Variants in MYRFL observed in about 807,000 individuals in gnomAD.
MYRFL encodes myelin regulatory factor-like protein.
Under a neutral mutation model 109.4 loss-of-function variants are expected in MYRFL, and 88 were observed. That is an observed-to-expected ratio of 0.80 (90% CI 0.68 to 0.96). The LOEUF (loss-of-function observed/expected upper bound fraction) is 0.96. Among genes scored for constraint, MYRFL ranks in the 40% least tolerant of loss-of-function variants. MYRFL has a pLI of 0.00. For synonymous variants in MYRFL, 324 were observed against 320.9 expected (o/e 1.01, Z -0.10); for missense variants, 957 against 954.9 (o/e 1.00, Z -0.03).
intron 16 of MYRFL, among the ~76,000 whole-genome samples, chr12:69,932,852 CTG>C (rs1172185407): frequency 3.4e-5 from 4 of 116,346 alleles, no homozygotes; most frequent in African/African-American, 5.8e-5. Context: ...TAGCAGCAAA[CTG>C]TGCCTTTCGT....
At chr12:69,874,501 G>C (rs1344127697) in intron 2 of MYRFL, among the ~76,000 whole-genome samples, 1 of 152,094 alleles carries the variant, frequency 6.6e-6, no homozygotes, top group Non-Finnish European at 1.5e-5. Context: ...TAAAAATTAA[G>C]ATAAAAAATA....
chr12:69,853,834 C>T (rs1293470760), intron 1 of MYRFL, among the ~76,000 whole-genome samples: 1 of 151,488 alleles, frequency 6.6e-6, no homozygotes, highest in Admixed American at 6.6e-5. Flanking sequence ...GGGATCGCGG[C>T]CGGGAAGAGG....
At position 69,867,364 on chromosome 12, in the gene MYRFL, G is replaced by A. The variant is rs60490161; in HGVS notation, c.138-11664G>A. Among the ~76,000 whole-genome samples the A allele has an allele frequency of 7.9e-5, 12 of 152,318 alleles. No homozygotes were observed. In the South Asian group the frequency reaches 8.3e-4, roughly 11 times the overall value. On this transcript the variant is annotated intron_variant, in intron 2 of 24. Coordinates refer to ENST00000552032, the MANE Select transcript of MYRFL (RefSeq NM_182530.3). Reference sequence around the variant, plus strand: ...ATGCACGTGTGTGCAGGGAAGGTAAGGGTCTAGAAAAGAGACTAGTAAATC... The same window carrying A: ...ATGCACGTGTGTGCAGGGAAGGTAAAGGTCTAGAAAAGAGACTAGTAAATC...
intron 2 of MYRFL, among the ~76,000 whole-genome samples, chr12:69,867,747 T>C (rs1176032719): frequency 6.6e-6 from 1 of 152,212 alleles, no homozygotes; most frequent in Admixed American, 6.5e-5. Context: ...TAAGCTCTAC[T>C]GTGATGTTTC....
At chr12:69,955,259 T>C (rs1368401657) in intron 21 of MYRFL, 104 bp from the exon 22 acceptor site, 2 of 439,132 alleles carry the variant, frequency 4.6e-6, no homozygotes, top group Non-Finnish European at 8.0e-6. Context: ...TTATTTACTA[T>C]ATAATATTTC....
chr12:69,881,876 C>A (rs1007276934), intron 5 of MYRFL, among the ~76,000 whole-genome samples: 2 of 152,178 alleles, frequency 1.3e-5, no homozygotes, highest in African/African-American at 4.8e-5. Context: ...CCACATCTAG[C>A]CTGTAGCTTT....
chr12:69,859,675 A>G (rs926534943), intron 2 of MYRFL, among the ~76,000 whole-genome samples: 2 of 152,250 alleles, frequency 1.3e-5, no homozygotes, highest in African/African-American at 4.8e-5. Context: ...AAAAATGCTC[A>G]TCATCACTGG....
At chr12:69,891,606 T>TTTCCTC (rs1566002002) in intron 7 of MYRFL, among the ~76,000 whole-genome samples, 78 of 31,032 alleles carry the variant, frequency 2.5e-3, no homozygotes, top group Non-Finnish European at 3.1e-3. Context: ...TCTTTCTTTC[T>TTTCCTC]CTTTCTTTCT....
At chr12:69,915,966 T>G (rs754279995) in intron 13 of MYRFL, among the ~76,000 whole-genome samples, 9 of 152,100 alleles carry the variant, frequency 5.9e-5, no homozygotes, top group Non-Finnish European at 1.2e-4. Flanking sequence ...CAACTGAACC[T>G]GTTTAAAGGT....
chr12:69,901,721 G>A (rs1954188468), intron 10 of MYRFL, among the ~76,000 whole-genome samples: 1 of 152,090 alleles, frequency 6.6e-6, no homozygotes, highest in South Asian at 2.1e-4. Flanking sequence ...AAAAGGATTT[G>A]AGTCAAAGCC....
rs1428708480 is a variant in MYRFL, at chr12:69,926,666, C to T, written c.1698C>T (p.Asn566=). 1.3e-6 allele frequency: 2 copies of T among 1,525,914 alleles called. No individual in the cohort carries two copies. The highest frequency in any genetic ancestry group is 2.0e-5 in the Admixed American group (1 of 50,508). The allele number at this position is 1,525,914 out of a possible 1,614,324, so 94.5% of individuals were successfully genotyped here. ...EERIEELEIW[N]RKLARLKRLS... ...GAATAGAAGAGTTAGAAATATGGAA[C>T]AGAAAGCTGGCCCGGCTAAAGCGGC... The change falls in exon 14 of 25, where the codon AAC becomes AAT. Residue 566 remains asparagine (N), a synonymous_variant. Coordinates refer to ENST00000552032, the MANE Select transcript of MYRFL (RefSeq NM_182530.3).
chr12:69,863,765 A>G (rs113642074), intron 2 of MYRFL, among the ~76,000 whole-genome samples: 1 of 152,308 alleles, frequency 6.6e-6, no homozygotes, highest in African/African-American at 2.4e-5. Flanking sequence ...GGGAAGTTCC[A>G]CAATTCTTTC....
rs542256981 is a variant in MYRFL at position 69,853,112 on chromosome 12, G to A, written c.47-2168G>A. ...AATGAGCTGTTGGGTACACCTCCCA[G>A]ACGGGGTGGCGGCTGGGCAGAGGGG... On this transcript the variant is annotated intron_variant, in intron 1 of 24. Coordinates refer to ENST00000552032, the MANE Select transcript of MYRFL (RefSeq NM_182530.3). 1.8e-3 allele frequency among the ~76,000 whole-genome samples: 271 copies of A among 152,366 alleles called. 1 individual carries two copies. Among genetic ancestry groups the A allele is most frequent in the Middle Eastern group, 6.8e-3 (2 of 294 alleles).
At chr12:69,854,523 A>G (rs1243444981) in intron 1 of MYRFL, among the ~76,000 whole-genome samples, 1 of 152,094 alleles carries the variant, frequency 6.6e-6, no homozygotes, top group Non-Finnish European at 1.5e-5. Context: ...AGCTGGGACT[A>G]CAGGCACATG....
At chr12:69,883,706 TAAAAAAAAA>T (rs59904690) in intron 5 of MYRFL, among the ~76,000 whole-genome samples, 1 of 125,468 alleles carries the variant, frequency 8.0e-6, no homozygotes, top group African/African-American at 3.0e-5. Context: ...CTACAAAAAG[TAAAAAAAAA>T]AAAAAAAAAA....
At chr12:69,870,289 G>C (rs1885278929) in intron 2 of MYRFL, among the ~76,000 whole-genome samples, 1 of 148,522 alleles carries the variant, frequency 6.7e-6, no homozygotes, top group South Asian at 2.1e-4. Flanking sequence ...TGTTGGCCAG[G>C]CTGGTCTTAA....
intron 14 of MYRFL, 64 bp downstream of exon 14, chr12:69,926,798 A>T: frequency 7.8e-7 from 1 of 1,283,150 alleles, no homozygotes; most frequent in Non-Finnish European, 9.9e-7. Flanking sequence ...TTTCCAGAAT[A>T]AGATCAATCT....
intron 1 of MYRFL, among the ~76,000 whole-genome samples, chr12:69,837,971 G>T (rs1565961719): frequency 6.6e-6 from 1 of 152,144 alleles, no homozygotes. Context: ...TGTATGTGTT[G>T]AGTCAATAAA....
chr12:69,948,873 C>T (rs1955903042), intron 19 of MYRFL, among the ~76,000 whole-genome samples: 1 of 152,208 alleles, frequency 6.6e-6, no homozygotes, highest in African/African-American at 2.4e-5. Flanking sequence ...TCTTTCTCAG[C>T]ATCCCTCTGC....
Sources: allele counts gnomAD v4.1 joint callset (sites outside exome capture counted in the v4.1 genomes callset), GRCh38; gene constraint gnomAD v4.1.1; transcripts MANE v1.5; gene names NCBI Gene and HGNC (gene_info 2026-07-23, HGNC 2026-07-21).